The following RSRP1 variants were observed in gnomAD, a reference collection of about 807,000 sequenced individuals.
RSRP1 encodes the protein arginine/serine-rich protein 1.
RSRP1 carries 37 observed loss-of-function variants against 33.0 expected under a neutral mutation model. That is an observed-to-expected ratio of 1.12 (90% CI 0.86 to 1.48). The LOEUF (loss-of-function observed/expected upper bound fraction) is 1.48. RSRP1 is among the 40% of genes most tolerant of loss of function. The pLI, the probability that RSRP1 is intolerant of heterozygous loss-of-function variation, is 0.00. For missense variants in RSRP1, 402 were observed against 385.3 expected (o/e 1.04, Z -0.36); for synonymous variants, 167 against 158.7 (o/e 1.05, Z -0.40).
chr1:25,245,230 G>T lies in RSRP1; in HGVS notation c.592C>A (p.Pro198Thr). Residue 198 changes from proline to threonine, a missense_variant, in exon 3 of 5, where the codon CCA (proline) becomes ACA (threonine). Transcript: ENST00000243189. ...KALGTTNIDL[P>T]ASLRTVPSAK... ...GAAGGAACAGTTCTGAGACTAGCTGGCAAGTCAATGTTGGTTGTTCCTAGA... is the reference window on the plus strand; with the variant it reads ...GAAGGAACAGTTCTGAGACTAGCTGTCAAGTCAATGTTGGTTGTTCCTAGA... 6.2e-7 allele frequency: 1 copy of T among 1,614,014 alleles called. No individual in the cohort carries two copies. The highest frequency in any genetic ancestry group is 8.5e-7 in the Non-Finnish European group (1 of 1,179,996).
chr1:25,244,045 C>G (rs972617079), intron 3 of RSRP1: 1 of 1,193,912 alleles, frequency 8.4e-7, no homozygotes, highest in Non-Finnish European at 1.1e-6. Flanking sequence ...TACACAGATT[C>G]ATTTAGATAC....
chr1:25,256,745 G>A (rs138375150), intron 1 of RSRP1, among the ~76,000 whole-genome samples: 2,154 of 152,218 alleles, frequency 0.014, 32 homozygotes, highest in Non-Finnish European at 0.018. Flanking sequence ...GATTACAGGC[G>A]TGAGTCACCG....
intron 1 of RSRP1, among the ~76,000 whole-genome samples, chr1:25,322,150 G>C (rs2124155980): frequency 7.6e-6 from 1 of 131,322 alleles, no homozygotes; most frequent in Admixed American, 7.4e-5. Flanking sequence ...GTGGCGGGGA[G>C]GTGGTAAAGG....
chr1:25,263,394 G>A (rs1328256821), intron 1 of RSRP1, among the ~76,000 whole-genome samples: 3 of 151,882 alleles, frequency 2.0e-5, no homozygotes, highest in East Asian at 3.9e-4. Flanking sequence ...GTTCCACATG[G>A]CTGGGGAGGC....
chr1:25,271,913 C>T (rs1462071918), intron 1 of RSRP1, among the ~76,000 whole-genome samples: 1 of 131,498 alleles, frequency 7.6e-6, no homozygotes, highest in Non-Finnish European at 1.8e-5. Context: ...CTGCCACCCC[C>T]CCTTAAAATG....
At chr1:25,302,455 TAA>T (rs1490329186) in intron 1 of RSRP1, among the ~76,000 whole-genome samples, 1 of 128,878 alleles carries the variant, frequency 7.8e-6, no homozygotes, top group East Asian at 2.0e-4. Flanking sequence ...AATTCAGTGC[TAA>T]GAGGAAGTGA....
chr1:25,301,391 C>T, intron 1 of RSRP1: 1 of 911,098 alleles, frequency 1.1e-6, no homozygotes, highest in Non-Finnish European at 1.7e-6. Context: ...GGAGACGTGA[C>T]TTCCCCATCT....
At chr1:25,332,771 C>A (rs1571784697) in intron 1 of RSRP1, among the ~76,000 whole-genome samples, 1 of 132,420 alleles carries the variant, frequency 7.6e-6, no homozygotes, top group East Asian at 2.0e-4. Flanking sequence ...ACTTTGAATT[C>A]AAACAAAAGT....
Position 25,274,926 on chromosome 1 carries a change from C to T in RSRP1, c.-66-27897G>A, listed in dbSNP as rs184827725. 4.2e-4 allele frequency among the ~76,000 whole-genome samples: 55 copies of T among 130,804 alleles called. 9 individuals are homozygous for T. The highest frequency in any genetic ancestry group is 1.1e-3 in the African/African-American group (41 of 38,460). The allele number at this position is 130,804 out of a possible 152,430, so 85.8% of individuals were successfully genotyped here. The stretch of plus-strand genomic sequence containing the variant: ...GGAGGCCATTACACTCCAGCCTGGG[C>T]GCCAGAGTGAGACTTCATCTCAAAA... On this transcript the variant is annotated intron_variant, in intron 1 of 1. Coordinates refer to the RSRP1 transcript ENST00000561867.
Position 25,246,683 on chromosome 1 carries a change from C to G in RSRP1, c.281G>C (p.Arg94Pro). The change falls in exon 2 of 5, where the codon CGA becomes CCA. Residue 94 changes from arginine (R) to proline (P), a missense_variant. Physicochemically the swap from Arg to Pro is moderately radical, Grantham distance 103. Transcript: ENST00000243189. Reference protein sequence around the residue: ...SRSRSRSRRYRERRYGFTRRY... With the variant: ...SRSRSRSRRYPERRYGFTRRY... The stretch of plus-strand genomic sequence containing the variant: ...CCTGGTGAACCCGTAGCGCCTCTCT[C>G]GGTAACGGCGGCTGCGGGATCGCGA... 1 of 1,608,756 alleles carries G rather than the reference C, an allele frequency of 6.2e-7. No individual in the cohort carries two copies. The highest frequency in any genetic ancestry group is 8.5e-7 in the Non-Finnish European group (1 of 1,176,130).
chr1:25,268,907 C>A (rs28568805), intron 1 of RSRP1, among the ~76,000 whole-genome samples: 95,766 of 121,048 alleles, frequency 0.79, 44,334 homozygotes, highest in East Asian at 1. Flanking sequence ...GAGATTGTGC[C>A]ATTGCAGTCC....
At chr1:25,259,508 A>C in intron 1 of RSRP1, among the ~76,000 whole-genome samples, 1 of 151,022 alleles carries the variant, frequency 6.6e-6, no homozygotes, top group South Asian at 2.1e-4. Context: ...TCAGATTTTT[A>C]TACTTTTTTT....
In RSRP1 at chr1:25,320,214, T is replaced by G; in HGVS notation, c.-67+17764A>C. Among the ~76,000 whole-genome samples the G allele has an allele frequency of 1.5e-5, 2 of 132,088 alleles. 1 individual carries two copies. The highest frequency in any genetic ancestry group is 3.6e-5 in the Non-Finnish European group (2 of 55,826). The allele number at this position is 132,088 out of a possible 152,430, so 86.7% of individuals were successfully genotyped here. On this transcript the variant is annotated intron_variant, in intron 1 of 1. Coordinates refer to the RSRP1 transcript ENST00000561867. ...CGACCGGCCGACAAATTCTTAAAAC[T>G]GGACACAAGAACACAAAACGCTTGG...
At position 25,276,532 on chromosome 1, in the gene RSRP1, T is replaced by TAAAAAAAAAAAAAAAAAAAA. The variant is rs557746335; in HGVS notation, c.-66-29523_-66-29504dup. 3.1e-4 allele frequency among the ~76,000 whole-genome samples: 20 copies of TAAAAAAAAAAAAAAAAAAAA among 64,784 alleles called. 1 individual carries two copies. Among genetic ancestry groups the TAAAAAAAAAAAAAAAAAAAA allele is most frequent in the African/African-American group, 1.1e-3 (15 of 13,864 alleles). 42.5% of individuals were successfully genotyped at this position (64,784 alleles called of 152,430 possible). A position where few individuals can be genotyped will look rare whatever the true frequency, so the allele number is the denominator to read the frequency against. ...ACATAGGGAGACCCCCCCCCATCTC[T>TAAAAAAAAAAAAAAAAAAAA]AAAAAAAAAAAAAAAAAAAAAAACT... On this transcript the variant is annotated intron_variant, in intron 1 of 1. Coordinates refer to the RSRP1 transcript ENST00000561867.
At chr1:25,283,693 G>A (rs1454113004) in intron 1 of RSRP1, among the ~76,000 whole-genome samples, 2 of 133,870 alleles carry the variant, frequency 1.5e-5, no homozygotes, top group Non-Finnish European at 3.5e-5. Context: ...TTAAAACAGC[G>A]TAGGCACATG....
intron 1 of RSRP1, among the ~76,000 whole-genome samples, chr1:25,263,443 G>A (rs1464332669): frequency 5.3e-5 from 8 of 151,966 alleles, no homozygotes; most frequent in Non-Finnish European, 7.4e-5. Flanking sequence ...AGCAAGTCAC[G>A]TCTTACGTGG....
intron 3 of RSRP1, chr1:25,244,341 C>T: frequency 7.8e-7 from 1 of 1,288,238 alleles, no homozygotes; most frequent in South Asian, 1.2e-5. Flanking sequence ...CAAATAGTGC[C>T]TGTCCCAAAT....
chr1:25,246,334 G>T, intron 2 of RSRP1, 110 bp downstream of exon 2: 1 of 1,482,110 alleles, frequency 6.7e-7, no homozygotes, highest in South Asian at 1.3e-5. Flanking sequence ...AAAAGATTTC[G>T]GGCACTAAAG....
intron 1 of RSRP1, among the ~76,000 whole-genome samples, chr1:25,264,426 A>G (rs1396545630): frequency 6.6e-6 from 1 of 150,802 alleles, no homozygotes; most frequent in Non-Finnish European, 1.5e-5. Flanking sequence ...GAAGCTGTCA[A>G]GGCTTGGGGC....
Sources: gnomAD v4.1 joint callset for allele counts (sites outside exome capture counted in the v4.1 genomes callset) on GRCh38, gnomAD v4.1.1 for gene constraint, MANE v1.5 for transcripts, NCBI Gene and HGNC (gene_info 2026-07-23, HGNC 2026-07-21) for gene names.